CDC42BPA: variants seen among roughly 807,000 people sequenced by gnomAD.
CDC42BPA encodes serine/threonine-protein kinase MRCK alpha.
A neutral mutation model predicts 223.5 loss-of-function variants in CDC42BPA; 80 were observed. The ratio of observed to expected loss-of-function variants is 0.36; its 90% CI spans 0.30 to 0.43. The LOEUF (loss-of-function observed/expected upper bound fraction) is 0.43. Ranked by LOEUF, CDC42BPA falls within the 20% of genes least tolerant of loss-of-function variation. The pLI is 1.00. For synonymous variants in CDC42BPA, 694 were observed against 718.6 expected (o/e 0.97, Z 0.55); for missense variants, 1,743 against 2,099.9 (o/e 0.83, Z 3.32).
rs141587387 is a variant in CDC42BPA at position 227,072,872 on chromosome 1, T to A, written c.2736-573A>T. ...ATTACAACACAGAGAATGATATTCA[T>A]TAGCTCTTTATGCTGGGATCAATTC... is the stretch of plus-strand genomic sequence containing the variant. On this transcript the variant is annotated intron_variant, in intron 19 of 36. Coordinates refer to ENST00000366766, the MANE Select transcript of CDC42BPA (RefSeq NM_001394014.1). Among the ~76,000 whole-genome samples the A allele has an allele frequency of 2.2e-4, 34 of 152,226 alleles. No homozygotes were observed. The East Asian group carries it at 6.6e-3, about 29-fold the overall frequency.
intron 11 of CDC42BPA, among the ~76,000 whole-genome samples, chr1:227,127,769 T>C (rs552352219): frequency 1.3e-5 from 2 of 152,330 alleles, no homozygotes; most frequent in East Asian, 3.9e-4. Context: ...ATAGCATTCA[T>C]AAATTATGCT....
intron 3 of CDC42BPA, among the ~76,000 whole-genome samples, chr1:227,200,877 T>C (rs1015441819): frequency 6.6e-6 from 1 of 152,188 alleles, no homozygotes; most frequent in Non-Finnish European, 1.5e-5. Context: ...TTTTAAGTGG[T>C]TGCCAACATG....
chr1:227,281,775 A>G (rs940689673), intron 1 of CDC42BPA, among the ~76,000 whole-genome samples: 2 of 152,216 alleles, frequency 1.3e-5, no homozygotes, highest in African/African-American at 4.8e-5. Flanking sequence ...AGCACTGCCC[A>G]AAGACTCAGG....
chr1:227,196,443 C>T (rs1558733510), intron 4 of CDC42BPA, among the ~76,000 whole-genome samples: 2 of 146,830 alleles, frequency 1.4e-5, no homozygotes, highest in African/African-American at 2.6e-5. Context: ...GGGTTCAGGC[C>T]ATCCTCCTGC....
chr1:227,116,850 G>C (rs1286326488), intron 12 of CDC42BPA, among the ~76,000 whole-genome samples: 3 of 152,128 alleles, frequency 2.0e-5, no homozygotes, highest in African/African-American at 7.2e-5. Context: ...GGGTGGGAGA[G>C]AGTAGGAGCC....
intron 35 of CDC42BPA, among the ~76,000 whole-genome samples, chr1:226,999,964 G>A (rs970733989): frequency 7.1e-6 from 1 of 141,212 alleles, no homozygotes; most frequent in African/African-American, 2.7e-5. Context: ...TGGGGGGTTA[G>A]GGGAGGGATA....
chr1:227,139,695 G>A lies in CDC42BPA; in HGVS notation c.1271C>T (p.Ser424Leu). Residue 424 changes from serine to leucine, a missense_variant, in exon 10 of 37, where the codon TCA (serine) becomes TTA (leucine). Ser to Leu is a moderately radical substitution (Grantham distance 145). This residue lies in a region of CDC42BPA where 464 missense variants were observed against 488.0 expected (regional missense o/e 0.95). Transcript: ENST00000366766. ...SCLRVTAGPT[S>L]LDLDVNVQRT... ...CTGAACATTAACATCAAGATCCAGT[G>A]AGGTGGGACCAGCCGTAACTCTTAA... 7 of 1,606,168 alleles carry A rather than the reference G, an allele frequency of 4.4e-6. No homozygotes were observed. The highest frequency in any genetic ancestry group is 5.9e-6 in the Non-Finnish European group (7 of 1,176,896).
chr1:227,038,304 G>C (rs1670714677), intron 24 of CDC42BPA, among the ~76,000 whole-genome samples: 1 of 152,146 alleles, frequency 6.6e-6, no homozygotes, highest in Non-Finnish European at 1.5e-5. Flanking sequence ...CAGTCATGTG[G>C]AACTGAGTCA....
rs529869209 is a variant in CDC42BPA at position 227,274,115 on chromosome 1, A to T, written c.179-19960T>A. Among the ~76,000 whole-genome samples, 5 of 151,664 alleles carry T rather than the reference A, an allele frequency of 3.3e-5. No homozygotes were observed. The South Asian group carries it at 1.0e-3, about 32-fold the overall frequency. On this transcript the variant is annotated intron_variant, in intron 1 of 36. Transcript: ENST00000366766. ...ATATTTGGGTTTGCAGCAATTCCGT[A>T]GTATATATCTCCTAAAATGGCTGAT...
chr1:226,997,320 T>A (rs1025568750), intron 35 of CDC42BPA, among the ~76,000 whole-genome samples: 1 of 152,308 alleles, frequency 6.6e-6, no homozygotes, highest in South Asian at 2.1e-4. Context: ...TATCATTTTT[T>A]TATTATGTCT....
At chr1:227,195,545 A>T (rs531139478) in intron 4 of CDC42BPA, among the ~76,000 whole-genome samples, 1 of 152,326 alleles carries the variant, frequency 6.6e-6, no homozygotes, top group Admixed American at 6.5e-5. Flanking sequence ...ATTTTCTTAT[A>T]GACAGAGTCT....
At chr1:227,308,254 C>T (rs1011244015) in intron 1 of CDC42BPA, among the ~76,000 whole-genome samples, 2 of 151,942 alleles carry the variant, frequency 1.3e-5, no homozygotes, top group Non-Finnish European at 2.9e-5. Flanking sequence ...GCCTAAAATC[C>T]CAGCACTTTG....
intron 16 of CDC42BPA, among the ~76,000 whole-genome samples, chr1:227,084,527 CA>C (rs577067399): frequency 0.04 from 3,603 of 91,068 alleles, 84 homozygotes; most frequent in African/African-American, 0.1. Flanking sequence ...GACTTCATCT[CA>C]AAAAAAAAAA....
chr1:227,066,379 ACT>A (rs1301047772), intron 21 of CDC42BPA, among the ~76,000 whole-genome samples: 2 of 137,290 alleles, frequency 1.5e-5, no homozygotes, highest in African/African-American at 5.4e-5. Context: ...ACAGGGTGAA[ACT>A]CTGTCTCAAA....
At chr1:227,198,296 C>A (rs982863801) in intron 4 of CDC42BPA, among the ~76,000 whole-genome samples, 5 of 151,580 alleles carry the variant, frequency 3.3e-5, no homozygotes, top group South Asian at 2.1e-4. Flanking sequence ...ACAACAACAA[C>A]AAAAAAATTA....
chr1:227,201,596 G>A (rs1671766167), intron 3 of CDC42BPA, among the ~76,000 whole-genome samples: 1 of 152,116 alleles, frequency 6.6e-6, no homozygotes, highest in South Asian at 2.1e-4. Flanking sequence ...GTTGTGTGCA[G>A]AGGTTACCAT....
chr1:227,029,646 A>G (rs1668885427), intron 29 of CDC42BPA, among the ~76,000 whole-genome samples: 1 of 147,864 alleles, frequency 6.8e-6, no homozygotes, highest in Non-Finnish European at 1.5e-5. Flanking sequence ...AAGTTGACAT[A>G]AAGATAAAAC....
At chr1:227,206,611 T>A (rs543995082) in intron 3 of CDC42BPA, among the ~76,000 whole-genome samples, 1 of 152,204 alleles carries the variant, frequency 6.6e-6, no homozygotes, top group African/African-American at 2.4e-5. Flanking sequence ...GTTGGATAAG[T>A]CATGGTCAGA....
At chr1:227,198,075 G>A (rs746762987) in intron 4 of CDC42BPA, among the ~76,000 whole-genome samples, 74 of 152,018 alleles carry the variant, frequency 4.9e-4, no homozygotes, top group Non-Finnish European at 5.3e-4. Context: ...TATTATAAAA[G>A]AAATGTGTCA....
Sources: allele counts gnomAD v4.1 joint callset (sites outside exome capture counted in the v4.1 genomes callset), GRCh38; gene constraint gnomAD v4.1.1; regional missense constraint gnomAD v4.1.1; transcripts MANE v1.5; gene names NCBI Gene and HGNC (gene_info 2026-07-23, HGNC 2026-07-21).